ROBO2: variants seen among roughly 807,000 people sequenced by gnomAD.
The protein encoded by ROBO2 is roundabout guidance receptor 2.
A neutral mutation model predicts 160.8 loss-of-function variants in ROBO2; 53 were observed. The observed-to-expected ratio is 0.33, with a 90% confidence interval of 0.26 to 0.41. ROBO2 has a LOEUF of 0.41. ROBO2 is among the 10% of genes least tolerant of loss of function. The pLI, the probability that ROBO2 is intolerant of heterozygous loss-of-function variation, is 1.00. For synonymous variants in ROBO2, 664 were observed against 611.7 expected (o/e 1.09, Z -1.26); for missense variants, 1,577 against 1,722.4 (o/e 0.92, Z 1.49).
At chr3:77,483,757 AT>A (rs1415102893) in intron 4 of ROBO2, among the ~76,000 whole-genome samples, 1 of 143,850 alleles carries the variant, frequency 7.0e-6, no homozygotes, top group African/African-American at 2.7e-5. Flanking sequence ...ATTGATACCT[AT>A]TATTATTATA....
At chr3:77,152,838 C>T (rs2077659781) in intron 2 of ROBO2, among the ~76,000 whole-genome samples, 1 of 152,086 alleles carries the variant, frequency 6.6e-6, no homozygotes. Flanking sequence ...TTAGTGTATT[C>T]ACAATTGTGC....
At chr3:76,158,043 T>A (rs1412507114) in intron 2 of ROBO2, among the ~76,000 whole-genome samples, 1 of 152,146 alleles carries the variant, frequency 6.6e-6, no homozygotes, top group Non-Finnish European at 1.5e-5. Flanking sequence ...GTTACTGGTC[T>A]CAGGAAGTTG....
chr3:77,499,937 G>A (rs962378334), intron 5 of ROBO2, among the ~76,000 whole-genome samples: 3 of 152,062 alleles, frequency 2.0e-5, no homozygotes, highest in African/African-American at 7.2e-5. Flanking sequence ...GTGAGCCACC[G>A]TGTCTGGCCT....
intron 2 of ROBO2, among the ~76,000 whole-genome samples, chr3:76,240,724 A>T (rs1326803478): frequency 6.6e-6 from 1 of 152,106 alleles, no homozygotes; most frequent in African/African-American, 2.4e-5. Flanking sequence ...AATCACCAAT[A>T]GATACATATA....
chr3:77,067,192 C>G (rs2066948868), intron 1 of ROBO2, among the ~76,000 whole-genome samples: 1 of 152,080 alleles, frequency 6.6e-6, no homozygotes, highest in South Asian at 2.1e-4. Flanking sequence ...CAAAGCTTCC[C>G]TTTGCAAAAC....
In ROBO2 at chr3:76,829,239, C is replaced by A. The variant is rs146161135; in HGVS notation, c.110-268775C>A. Reference sequence around the variant, plus strand: ...AACCTAATCTAATCTGCTTTTCCCTCAACCTAGTCTTAAAAATGTCCTGTC... The same window carrying A: ...AACCTAATCTAATCTGCTTTTCCCTAAACCTAGTCTTAAAAATGTCCTGTC... On this transcript the variant is annotated intron_variant, in intron 2 of 26. Transcript: ENST00000487694. 4.0e-3 allele frequency among the ~76,000 whole-genome samples: 608 copies of A among 152,284 alleles called. 1 individual carries two copies. Among genetic ancestry groups the A allele is most frequent in the Non-Finnish European group, 6.4e-3 (433 of 68,012 alleles).
chr3:76,898,377 A>G (rs541079246), intron 2 of ROBO2, among the ~76,000 whole-genome samples: 8 of 152,096 alleles, frequency 5.3e-5, no homozygotes. Context: ...AATGAGTATT[A>G]ATTTACCTTT....
At chr3:76,639,068 T>G (rs1560283557) in intron 2 of ROBO2, among the ~76,000 whole-genome samples, 1 of 152,122 alleles carries the variant, frequency 6.6e-6, no homozygotes. Context: ...ACACAAAGCC[T>G]GAAGCACTAG....
At chr3:76,992,663 G>A (rs1360100612) in intron 2 of ROBO2, among the ~76,000 whole-genome samples, 2 of 151,598 alleles carry the variant, frequency 1.3e-5, no homozygotes, top group African/African-American at 4.8e-5. Context: ...CTATATGAAG[G>A]GCCTGATGTC....
intron 2 of ROBO2, among the ~76,000 whole-genome samples, chr3:76,567,888 C>T (rs1485593739): frequency 6.9e-6 from 1 of 145,110 alleles, no homozygotes; most frequent in Non-Finnish European, 1.5e-5. Flanking sequence ...GATCATGGCT[C>T]ACTTCAGCCT....
intron 2 of ROBO2, among the ~76,000 whole-genome samples, chr3:77,194,880 A>G (rs73098081): frequency 6.6e-6 from 1 of 152,242 alleles, no homozygotes; most frequent in Non-Finnish European, 1.5e-5. Flanking sequence ...TCACAAATGC[A>G]TTTTTATAGT....
chr3:77,570,242 G>T (rs796527), intron 13 of ROBO2, among the ~76,000 whole-genome samples: 81,240 of 151,888 alleles, frequency 0.53, 21,849 homozygotes, highest in Middle Eastern at 0.68. Flanking sequence ...TCATTATGTT[G>T]ATGAAGTTAA....
At chr3:77,391,584 C>A (rs2074737085) in intron 2 of ROBO2, among the ~76,000 whole-genome samples, 1 of 152,050 alleles carries the variant, frequency 6.6e-6, no homozygotes, top group Non-Finnish European at 1.5e-5. Context: ...GACCTGCCCC[C>A]ATGATTCAAT....
chr3:77,554,842 C>T (rs2093052757), intron 8 of ROBO2, among the ~76,000 whole-genome samples: 2 of 152,108 alleles, frequency 1.3e-5, no homozygotes, highest in East Asian at 3.9e-4. Flanking sequence ...CAAAATATCA[C>T]ATAAACTTAA....
chr3:77,280,469 G>T (rs951233931), intron 2 of ROBO2, among the ~76,000 whole-genome samples: 3 of 152,180 alleles, frequency 2.0e-5, no homozygotes, highest in African/African-American at 7.2e-5. Flanking sequence ...GAGGACAGAA[G>T]ATTGGGCTTG....
At chr3:76,555,120 T>C (rs180899402) in intron 2 of ROBO2, among the ~76,000 whole-genome samples, 39 of 152,080 alleles carry the variant, frequency 2.6e-4, no homozygotes, top group African/African-American at 9.2e-4. Flanking sequence ...CTCTATGAAA[T>C]GGAGGACATT....
intron 2 of ROBO2, among the ~76,000 whole-genome samples, chr3:75,994,442 T>C (rs2065667964): frequency 6.6e-6 from 1 of 152,176 alleles, no homozygotes; most frequent in Non-Finnish European, 1.5e-5. Flanking sequence ...TTTTCCACCA[T>C]GCTGTTCTCA....
chr3:76,603,344 AAAAAAAAATATATATATATATAT>A (rs1440500006), intron 2 of ROBO2, among the ~76,000 whole-genome samples: 1 of 64,684 alleles, frequency 1.5e-5, no homozygotes, highest in Non-Finnish European at 3.1e-5. Context: ...AAAAAAAAAA[AAAAAAAAATATATATATATATAT>A]ATATATATAT....
At chr3:77,045,648 A>G (rs3934881) in intron 1 of ROBO2, among the ~76,000 whole-genome samples, 24,174 of 152,108 alleles carry the variant, frequency 0.16, 2,160 homozygotes, top group East Asian at 0.27. Context: ...CCAATGAGGA[A>G]CCATTTTTCA....
Sources: gnomAD v4.1 joint callset for allele counts (sites outside exome capture counted in the v4.1 genomes callset) on GRCh38, gnomAD v4.1.1 for gene constraint, MANE v1.5 for transcripts, NCBI Gene and HGNC (gene_info 2026-07-23, HGNC 2026-07-21) for gene names.